Variants in CTNND2 observed in about 807,000 individuals in gnomAD.
CTNND2 encodes the protein catenin delta 2.
Under a neutral mutation model 144.4 loss-of-function variants are expected in CTNND2, and 22 were observed. The ratio of observed to expected loss-of-function variants is 0.15; its 90% CI spans 0.11 to 0.22. The LOEUF is 0.22. CTNND2 is among the 10% of genes least tolerant of loss of function. The pLI, the probability that CTNND2 is intolerant of heterozygous loss-of-function variation, is 1.00. For synonymous variants in CTNND2, 751 were observed against 695.6 expected (o/e 1.08, Z -1.25); for missense variants, 1,353 against 1,618.8 (o/e 0.84, Z 2.82).
chr5:11,734,175 T>G (rs1787548448), intron 1 of CTNND2, among the ~76,000 whole-genome samples: 1 of 152,194 alleles, frequency 6.6e-6, no homozygotes, highest in South Asian at 2.1e-4. Flanking sequence ...TTTCCATTGC[T>G]TATAAGGAGC....
chr5:11,817,764 T>A (rs932754153), intron 1 of CTNND2, among the ~76,000 whole-genome samples: 10 of 152,036 alleles, frequency 6.6e-5, no homozygotes, highest in Admixed American at 2.0e-4. Flanking sequence ...AAACCATGGT[T>A]CAGCTCAATC....
rs1553988825 is a variant in CTNND2 at position 11,879,356 on chromosome 5, T to TACACAC, written c.37+24460_37+24461insGTGTGT. 1.7e-3 allele frequency among the ~76,000 whole-genome samples: 245 copies of TACACAC among 141,420 alleles called. 10 individuals are homozygous for TACACAC. The East Asian group carries it at 0.043, about 25-fold the overall frequency. The allele number at this position is 141,420 out of a possible 152,430, so 92.8% of individuals were successfully genotyped here. ...TTAAATGTGTGTATATATATATATA[T>TACACAC]ACATATACACACACACACAAACATA... On this transcript the variant is annotated intron_variant, in intron 1 of 21. Coordinates refer to ENST00000304623, the MANE Select transcript of CTNND2 (RefSeq NM_001332.4).
chr5:11,612,501 G>A (rs1172259529), intron 2 of CTNND2, among the ~76,000 whole-genome samples: 1 of 152,154 alleles, frequency 6.6e-6, no homozygotes, highest in Non-Finnish European at 1.5e-5. Context: ...TACACATTAA[G>A]TAAATTTGAT....
intron 9 of CTNND2, among the ~76,000 whole-genome samples, chr5:11,240,781 A>C (rs1742306093): frequency 7.3e-6 from 1 of 136,934 alleles, no homozygotes; most frequent in African/African-American, 2.8e-5. Context: ...CATTCAGCAC[A>C]CACACCCCCA....
intron 1 of CTNND2, among the ~76,000 whole-genome samples, chr5:11,884,429 A>G (rs1172950105): frequency 1.3e-5 from 2 of 152,174 alleles, no homozygotes; most frequent in Non-Finnish European, 2.9e-5. Context: ...TTTATTAAAT[A>G]GGGAATCCTT....
intron 14 of CTNND2, among the ~76,000 whole-genome samples, chr5:11,105,181 T>C (rs1752305448): frequency 6.6e-6 from 1 of 152,230 alleles, no homozygotes; most frequent in East Asian, 1.9e-4. Flanking sequence ...GCCATCCACA[T>C]CTAGGGAAAC....
intron 16 of CTNND2, among the ~76,000 whole-genome samples, chr5:11,069,649 AAGAGAG>A (rs5865917): frequency 3.3e-5 from 5 of 151,200 alleles, no homozygotes; most frequent in Admixed American, 1.3e-4. Flanking sequence ...AAACAAAGGA[AAGAGAG>A]AGAGAGAGAC....
chr5:11,690,505 G>A lies in CTNND2; in HGVS notation c.174+41631C>T, dbSNP rs141087349. Among the ~76,000 whole-genome samples, 1,503 of 152,006 alleles carry A rather than the reference G, an allele frequency of 9.9e-3. 23 individuals are homozygous for A. The highest frequency in any genetic ancestry group is 0.035 in the African/African-American group (1,445 of 41,508). ...CTATGCTTTCTTGGGAGGCCGAGGC[G>A]GGTGGATCATGAGGTCATGAGATCG... On this transcript the variant is annotated intron_variant, in intron 2 of 21. Transcript: ENST00000304623.
chr5:11,611,735 G>A (rs1241408571), intron 2 of CTNND2, among the ~76,000 whole-genome samples: 3 of 152,196 alleles, frequency 2.0e-5, no homozygotes, highest in Non-Finnish European at 4.4e-5. Context: ...CCGAGATCGC[G>A]CCAATGCACT....
intron 2 of CTNND2, among the ~76,000 whole-genome samples, chr5:11,630,058 T>G (rs1042941259): frequency 2.0e-5 from 3 of 152,178 alleles, no homozygotes; most frequent in Non-Finnish European, 2.9e-5. Context: ...TATACGTGCA[T>G]TTTTGAAAAA....
intron 3 of CTNND2, among the ~76,000 whole-genome samples, chr5:11,541,529 G>T (rs1290804257): frequency 6.6e-6 from 1 of 152,130 alleles, no homozygotes; most frequent in Non-Finnish European, 1.5e-5. Flanking sequence ...GAAACTTAGT[G>T]AAAAGCCTGT....
At chr5:11,737,017 T>C (rs1445993654) in intron 1 of CTNND2, among the ~76,000 whole-genome samples, 1 of 147,650 alleles carries the variant, frequency 6.8e-6, no homozygotes, top group Non-Finnish European at 1.5e-5. Flanking sequence ...ATGTTGAAAG[T>C]TATCTACCTG....
In CTNND2 at chr5:11,238,955, G is replaced by A. The variant is rs148456925; in HGVS notation, c.1629-2132C>T. ...CTTTTGTTTTATAATTCTAAACCAC[G>A]TCTGCAAGGCTCAGATAGCACAGTC... On this transcript the variant is annotated intron_variant, in intron 9 of 21. Coordinates refer to ENST00000304623, the MANE Select transcript of CTNND2 (RefSeq NM_001332.4). 7.6e-3 allele frequency among the ~76,000 whole-genome samples: 1,160 copies of A among 152,248 alleles called. 15 individuals are homozygous for A. Among genetic ancestry groups the A allele is most frequent in the African/African-American group, 0.026 (1,086 of 41,534 alleles).
chr5:11,320,078 C>T (rs763118527), intron 9 of CTNND2, among the ~76,000 whole-genome samples: 23 of 152,266 alleles, frequency 1.5e-4, no homozygotes, highest in Non-Finnish European at 1.3e-4. Context: ...CCATTCTGCA[C>T]GGAGTTTACA....
intron 3 of CTNND2, among the ~76,000 whole-genome samples, chr5:11,453,401 T>A (rs1168442685): frequency 2.0e-5 from 3 of 152,192 alleles, no homozygotes; most frequent in Non-Finnish European, 4.4e-5. Flanking sequence ...AGCCAGGGTA[T>A]TTTAAGGAAG....
At chr5:11,671,334 TTGGG>T (rs2126600766) in intron 2 of CTNND2, among the ~76,000 whole-genome samples, 1 of 152,270 alleles carries the variant, frequency 6.6e-6, no homozygotes, top group African/African-American at 2.4e-5. Context: ...CCTTGCTAGG[TTGGG>T]TAAGTTCTCC....
At chr5:11,118,032 C>A (rs6554619) in intron 12 of CTNND2, among the ~76,000 whole-genome samples, 115,797 of 152,232 alleles carry the variant, frequency 0.76, 44,710 homozygotes, top group African/African-American at 0.91. Context: ...ACTTCTAGGA[C>A]TTCATTCTAA....
intron 1 of CTNND2, among the ~76,000 whole-genome samples, chr5:11,744,680 T>C (rs1298564982): frequency 2.6e-4 from 4 of 15,632 alleles, no homozygotes; most frequent in African/African-American, 3.9e-4. Context: ...TGTGTGTGTG[T>C]GTGTTTGTGT....
chr5:11,015,567 T>G (rs1417314991), intron 18 of CTNND2, among the ~76,000 whole-genome samples: 2 of 152,246 alleles, frequency 1.3e-5, no homozygotes, highest in African/African-American at 4.8e-5. Context: ...TTATGCTTTT[T>G]GAACTCTACT....
Sources: allele counts gnomAD v4.1 joint callset (sites outside exome capture counted in the v4.1 genomes callset), GRCh38; gene constraint gnomAD v4.1.1; transcripts MANE v1.5; gene names NCBI Gene and HGNC (gene_info 2026-07-23, HGNC 2026-07-21).